The following PSMB2 variants were observed in gnomAD, a reference collection of about 807,000 sequenced individuals.
The protein encoded by PSMB2 is proteasome 20S subunit beta 2.
In PSMB2, 13 loss-of-function variants were observed where a neutral mutation model predicts 25.7. The ratio of observed to expected loss-of-function variants is 0.51; its 90% CI spans 0.33 to 0.80. PSMB2 has a LOEUF of 0.80. PSMB2 is among the 30% of genes least tolerant of loss of function. The pLI is 0.02. For missense variants in PSMB2, 202 were observed against 259.0 expected (o/e 0.78, Z 1.51); for synonymous variants, 87 against 96.2 (o/e 0.90, Z 0.56).
intron 5 of PSMB2, among the ~76,000 whole-genome samples, chr1:35,603,890 C>T (rs930578342): frequency 6.6e-6 from 1 of 151,526 alleles, no homozygotes; most frequent in African/African-American, 2.4e-5. Context: ...ATAAAATGAG[C>T]TGGGCATGGT....
In PSMB2 at chr1:35,631,268, A is replaced by C. The variant is rs59405996; in HGVS notation, c.285+6T>G. The C allele has an allele frequency of 5.0e-3, 8,076 of 1,612,262 alleles. 26 individuals are homozygous for C. The highest frequency in any genetic ancestry group is 6.2e-3 in the Non-Finnish European group (7,308 of 1,178,282). ...TCTATCTAACAATGTCTGATATATTACTTACCCGACTCCGAAGACAGTCAG... is the reference window on the plus strand; with the variant it reads ...TCTATCTAACAATGTCTGATATATTCCTTACCCGACTCCGAAGACAGTCAG... On this transcript the variant is annotated splice_donor_region_variant and intron_variant, in intron 3 of 5. Coordinates refer to ENST00000373237, the MANE Select transcript of PSMB2 (RefSeq NM_002794.5).
At chr1:35,633,343 C>G (rs540859515) in intron 2 of PSMB2, among the ~76,000 whole-genome samples, 1 of 152,180 alleles carries the variant, frequency 6.6e-6, no homozygotes, top group Non-Finnish European at 1.5e-5. Flanking sequence ...AAAGTCATGC[C>G]TGATTATCTG....
chr1:35,636,568 A>C, intron 1 of PSMB2, 136 bp from the exon 2 acceptor site: 2 of 1,021,788 alleles, frequency 2.0e-6, no homozygotes, highest in Non-Finnish European at 2.7e-6. Context: ...ACAATTCAAC[A>C]AACTATGGAT....
In PSMB2 at chr1:35,601,464, G is replaced by A. The variant is rs2148559315; in HGVS notation, c.*1803C>T. 1.0e-6 allele frequency: 1 copy of A among 985,362 alleles called. No individual in the cohort carries two copies. The highest frequency in any genetic ancestry group is 1.2e-6 in the Non-Finnish European group (1 of 829,922). 61.0% of individuals were successfully genotyped at this position (985,362 alleles called of 1,614,324 possible). A position where few individuals can be genotyped will look rare whatever the true frequency, so the allele number is the denominator to read the frequency against. On this transcript the variant is annotated 3_prime_UTR_variant, in exon 6 of 6. Transcript: ENST00000373237. ...CATATTCATGGTGGTGTTGGAGGTT[G>A]AATCAACTGTAGTGACGTGAATCAT...
chr1:35,607,793 A>G (rs1218262187), intron 4 of PSMB2, among the ~76,000 whole-genome samples: 1 of 152,176 alleles, frequency 6.6e-6, no homozygotes, highest in Non-Finnish European at 1.5e-5. Flanking sequence ...TATGGAACCA[A>G]CCTAGGTGTC....
intron 3 of PSMB2, 43 bp downstream of exon 3, chr1:35,631,231 G>A (rs963056914): frequency 5.7e-6 from 9 of 1,575,648 alleles, no homozygotes; most frequent in Non-Finnish European, 7.9e-6. Context: ...GAAGCACAAA[G>A]GATTTTTCTG....
chr1:35,628,619 ATATATATATATATTTTT>A (rs1452238980), intron 3 of PSMB2, among the ~76,000 whole-genome samples: 4 of 48,264 alleles, frequency 8.3e-5, no homozygotes, highest in African/African-American at 3.3e-4. Flanking sequence ...ATATATATAT[ATATATATATATATTTTT>A]TTTTTTTTTT....
intron 3 of PSMB2, among the ~76,000 whole-genome samples, chr1:35,621,013 A>T (rs113658004): frequency 0.02 from 3,074 of 151,758 alleles, 87 homozygotes; most frequent in East Asian, 0.061. Context: ...TAAATAAATA[A>T]ATATATATAT....
At chr1:35,641,093 G>A (rs1362204732) in intron 1 of PSMB2, among the ~76,000 whole-genome samples, 1 of 152,188 alleles carries the variant, frequency 6.6e-6, no homozygotes, top group Non-Finnish European at 1.5e-5. Flanking sequence ...GGGAGGCTGA[G>A]GCACGAGAAT....
chr1:35,621,968 C>T (rs978043059), intron 3 of PSMB2, among the ~76,000 whole-genome samples: 4 of 151,958 alleles, frequency 2.6e-5, no homozygotes, highest in Admixed American at 2.6e-4. Flanking sequence ...TGCACTCCAG[C>T]CTGGGCGACA....
At chr1:35,607,091 G>T (rs1650192669) in intron 4 of PSMB2, among the ~76,000 whole-genome samples, 1 of 152,010 alleles carries the variant, frequency 6.6e-6, no homozygotes, top group Non-Finnish European at 1.5e-5. Flanking sequence ...CCAGAAACTA[G>T]AAGAAAACAC....
chr1:35,600,588 T>A lies in PSMB2; in HGVS notation c.*2679A>T, dbSNP rs1649961731. 5 of 985,410 alleles carry A rather than the reference T, an allele frequency of 5.1e-6. No homozygotes were observed. The Admixed American group carries it at 1.8e-4, about 36-fold the overall frequency. The allele number at this position is 985,410 out of a possible 1,614,324, so 61.0% of individuals were successfully genotyped here. On this transcript the variant is annotated 3_prime_UTR_variant, in exon 6 of 6. Transcript: ENST00000373237. ...GTAGCTCTAATTCTCTAAGACAGAA[T>A]GTCATAGAGGCGGTTTGGAGAGGGG...
intron 3 of PSMB2, among the ~76,000 whole-genome samples, chr1:35,619,436 G>A (rs1271280276): frequency 6.6e-6 from 1 of 152,178 alleles, no homozygotes; most frequent in East Asian, 1.9e-4. Flanking sequence ...TGTGTTACTT[G>A]AGATAGGCCA....
Position 35,631,278 on chromosome 1 carries a change from C to A in PSMB2, c.281G>T (p.Ser94Ile). 5 of 1,613,790 alleles carry A rather than the reference C, an allele frequency of 3.1e-6. No individual in the cohort carries two copies. Among genetic ancestry groups the A allele is most frequent in the Non-Finnish European group, 4.2e-6 (5 of 1,179,668 alleles). The change falls in exon 3 of 6, where the codon AGT becomes ATT. Residue 94 changes from serine (S) to isoleucine (I), a missense_variant. By Grantham distance (142) the Ser-to-Ile change is moderately radical. Coordinates refer to ENST00000373237, the MANE Select transcript of PSMB2 (RefSeq NM_002794.5). ...TRRNLADCLR[S>I]RTPYHVNLLL... ...AATGTCTGATATATTACTTACCCGA[C>A]TCCGAAGACAGTCAGCCAGGTTTCG...
At chr1:35,631,791 TG>T (rs1434294469) in intron 2 of PSMB2, among the ~76,000 whole-genome samples, 2 of 152,016 alleles carry the variant, frequency 1.3e-5, no homozygotes, top group East Asian at 3.9e-4. Context: ...GAAGCCAAGG[TG>T]GGAAGATCGC....
chr1:35,610,582 A>G (rs1031639565), intron 3 of PSMB2, among the ~76,000 whole-genome samples: 2 of 151,762 alleles, frequency 1.3e-5, no homozygotes, highest in Admixed American at 1.3e-4. Flanking sequence ...CGCAACCTCT[A>G]CCTCCCAGGT....
chr1:35,606,293 T>C (rs111881316), intron 4 of PSMB2, among the ~76,000 whole-genome samples: 3,082 of 152,232 alleles, frequency 0.02, 92 homozygotes, highest in East Asian at 0.061. Flanking sequence ...ATCTTCTATA[T>C]AGAAAAACCT....
chr1:35,620,964 C>G (rs539217190), intron 3 of PSMB2, among the ~76,000 whole-genome samples: 1 of 151,828 alleles, frequency 6.6e-6, no homozygotes, highest in South Asian at 2.1e-4. Context: ...CTGTGCCCGG[C>G]TGACTTTAGA....
At chr1:35,617,548 T>A (rs886171434) in intron 3 of PSMB2, among the ~76,000 whole-genome samples, 1 of 152,330 alleles carries the variant, frequency 6.6e-6, no homozygotes, top group East Asian at 1.9e-4. Flanking sequence ...ACATTTGGAA[T>A]GTGAATAAGT....
Sources: gnomAD v4.1 joint callset for allele counts (sites outside exome capture counted in the v4.1 genomes callset) on GRCh38, gnomAD v4.1.1 for gene constraint, MANE v1.5 for transcripts, NCBI Gene and HGNC (gene_info 2026-07-23, HGNC 2026-07-21) for gene names.